PAMR1: variants seen among roughly 807,000 people sequenced by gnomAD.
PAMR1 encodes inactive serine protease PAMR1.
PAMR1 carries 88 observed loss-of-function variants against 81.8 expected under a neutral mutation model. The ratio of observed to expected loss-of-function variants is 1.08; its 90% CI spans 0.91 to 1.28. PAMR1 has a LOEUF of 1.28. Among genes scored for constraint, PAMR1 ranks in the 50% most tolerant of loss-of-function variants. The pLI is 0.00. For synonymous variants in PAMR1, 336 were observed against 345.3 expected (o/e 0.97, Z 0.30); for missense variants, 935 against 919.7 (o/e 1.02, Z -0.21).
intron 4 of PAMR1, among the ~76,000 whole-genome samples, chr11:35,473,079 C>T (rs934218293): frequency 1.3e-5 from 2 of 152,016 alleles, no homozygotes; most frequent in South Asian, 2.1e-4. Flanking sequence ...ACAGTGGTGA[C>T]AGAGAGCTGT....
At chr11:35,463,439 CG>C (rs1565337064) in intron 6 of PAMR1, among the ~76,000 whole-genome samples, 1 of 152,160 alleles carries the variant, frequency 6.6e-6, no homozygotes. Flanking sequence ...TCAACTGGGC[CG>C]GGGGAACAAA....
At chr11:35,446,163 G>A (rs182383025) in intron 6 of PAMR1, among the ~76,000 whole-genome samples, 1 of 152,048 alleles carries the variant, frequency 6.6e-6, no homozygotes, top group East Asian at 1.9e-4. Context: ...GCATTTTTGG[G>A]GTTAGTGGTG....
chr11:35,523,721 GCTATT>G (rs1398826027), intron 1 of PAMR1, among the ~76,000 whole-genome samples: 1 of 152,156 alleles, frequency 6.6e-6, no homozygotes, highest in African/African-American at 2.4e-5. Context: ...CCTTCTCCAC[GCTATT>G]CCTCCGTCTT....
rs573841406 is a variant in PAMR1, at chr11:35,434,028, C to A, written c.1626+484G>T. The stretch of plus-strand genomic sequence containing the variant: ...GTGCCCAAATGTAATAGGTGATTAA[C>A]CTTTTTTTATTCAAAAAGTATTTAT... On this transcript the variant is annotated intron_variant, in intron 10 of 10. Coordinates refer to ENST00000619888, the MANE Select transcript of PAMR1 (RefSeq NM_001001991.3). Among the ~76,000 whole-genome samples the A allele has an allele frequency of 4.6e-5, 7 of 152,278 alleles. No individual in the cohort carries two copies. The South Asian group carries it at 1.2e-3, about 27-fold the overall frequency.
chr11:35,480,724 A>C (rs972361635), intron 3 of PAMR1, among the ~76,000 whole-genome samples: 2 of 152,030 alleles, frequency 1.3e-5, no homozygotes, highest in African/African-American at 4.8e-5. Context: ...TCCAGGATGC[A>C]TTTGCAGAAC....
In PAMR1 at chr11:35,501,089, AC is replaced by A. The variant is rs554980394; in HGVS notation, c.74-6818del. On this transcript the variant is annotated intron_variant, in intron 1 of 10. Coordinates refer to ENST00000619888, the MANE Select transcript of PAMR1 (RefSeq NM_001001991.3). Reference sequence around the variant, plus strand: ...AAATATTTGCTTCAGTAATAAATTAACCTTAGTTTTCTGTAACTTTTTAATT... The same window carrying A: ...AAATATTTGCTTCAGTAATAAATTAACTTAGTTTTCTGTAACTTTTTAATT... Among the ~76,000 whole-genome samples, 715 of 151,888 alleles carry A rather than the reference AC, an allele frequency of 4.7e-3. 3 individuals carry two copies. Among genetic ancestry groups the A allele is most frequent in the African/African-American group, 0.015 (615 of 41,422 alleles).
intron 1 of PAMR1, among the ~76,000 whole-genome samples, chr11:35,504,412 T>G (rs139855896): frequency 1.8e-4 from 27 of 152,296 alleles, no homozygotes; most frequent in Middle Eastern, 3.4e-3. Context: ...TTTGGAAATA[T>G]TCCCTCTTCA....
chr11:35,433,036 T>C, intron 10 of PAMR1, 144 bp from the exon 11 acceptor site: 1 of 727,896 alleles, frequency 1.4e-6, no homozygotes, highest in Non-Finnish European at 2.2e-6. Flanking sequence ...CAAGAAATCA[T>C]GGAAAACAAC....
At chr11:35,451,945 G>T in intron 6 of PAMR1, 1 of 688,470 alleles carries the variant, frequency 1.5e-6, no homozygotes, top group South Asian at 1.6e-5. Context: ...AGAACTGTGA[G>T]AAATAAATGT....
chr11:35,479,722 G>A (rs982781625), intron 3 of PAMR1, among the ~76,000 whole-genome samples: 12 of 152,200 alleles, frequency 7.9e-5, no homozygotes, highest in African/African-American at 1.9e-4. Flanking sequence ...AGATGGTTTC[G>A]TGGAGAGGAT....
chr11:35,527,415 AC>A (rs1851410893), upstream of PAMR1, among the ~76,000 whole-genome samples: 1 of 152,158 alleles, frequency 6.6e-6, no homozygotes, highest in Non-Finnish European at 1.5e-5. Context: ...CTATTATCTG[AC>A]CTGAGACTGC....
intron 6 of PAMR1, among the ~76,000 whole-genome samples, chr11:35,461,383 A>G (rs11033132): frequency 6.6e-6 from 1 of 151,932 alleles, no homozygotes; most frequent in Non-Finnish European, 1.5e-5. Context: ...GCTCTAGCCT[A>G]GGTATTTGGC....
intron 4 of PAMR1, among the ~76,000 whole-genome samples, chr11:35,473,391 TC>T (rs1455466873): frequency 6.6e-6 from 1 of 152,190 alleles, no homozygotes; most frequent in Admixed American, 6.5e-5. Context: ...GAGAAGCTCC[TC>T]AGAGGCCCAG....
chr11:35,493,131 C>A (rs1850660794), intron 2 of PAMR1, among the ~76,000 whole-genome samples: 1 of 152,132 alleles, frequency 6.6e-6, no homozygotes, highest in African/African-American at 2.4e-5. Flanking sequence ...ATTCTCAGAT[C>A]CCAAATCCCT....
At chr11:35,483,697 A>C (rs1240135185) in intron 3 of PAMR1, among the ~76,000 whole-genome samples, 1 of 152,100 alleles carries the variant, frequency 6.6e-6, no homozygotes, top group Non-Finnish European at 1.5e-5. Context: ...TTTTAATGAA[A>C]ACTGTTATTT....
chr11:35,443,463 C>T lies in PAMR1; in HGVS notation c.821-1770G>A, dbSNP rs115654129. On this transcript the variant is annotated intron_variant, in intron 6 of 10. Coordinates refer to ENST00000619888, the MANE Select transcript of PAMR1 (RefSeq NM_001001991.3). ...TTATGAGTGAGAACATCCAGTGTTT[C>T]GTTTTCTGTTCCTGCATTAATCTGC... Among the ~76,000 whole-genome samples the T allele has an allele frequency of 3.0e-3, 453 of 152,204 alleles. 1 individual carries two copies. Among genetic ancestry groups the T allele is most frequent in the African/African-American group, 0.011 (438 of 41,522 alleles).
At chr11:35,475,841 G>A (rs1850275366) in intron 3 of PAMR1, among the ~76,000 whole-genome samples, 1 of 152,126 alleles carries the variant, frequency 6.6e-6, no homozygotes. Flanking sequence ...TAGGCCCCAT[G>A]AAAATGAAAA....
At chr11:35,508,774 T>C (rs1299465905) in intron 1 of PAMR1, among the ~76,000 whole-genome samples, 1 of 152,140 alleles carries the variant, frequency 6.6e-6, no homozygotes, top group Non-Finnish European at 1.5e-5. Flanking sequence ...ACTGTTTAAC[T>C]CCCACTTATA....
intron 6 of PAMR1, among the ~76,000 whole-genome samples, chr11:35,457,614 G>A (rs1334307025): frequency 6.6e-6 from 1 of 152,166 alleles, no homozygotes; most frequent in Non-Finnish European, 1.5e-5. Context: ...CCTTCATGAG[G>A]TGTCTTAGGT....
Sources: gnomAD v4.1 joint callset for allele counts (sites outside exome capture counted in the v4.1 genomes callset) on GRCh38, gnomAD v4.1.1 for gene constraint, MANE v1.5 for transcripts, NCBI Gene and HGNC (gene_info 2026-07-23, HGNC 2026-07-21) for gene names.